Variants in HLF observed in about 807,000 individuals in gnomAD.
HLF encodes hepatic leukemia factor.
In HLF, 3 loss-of-function variants were observed where a neutral mutation model predicts 22.6. That is an observed-to-expected ratio of 0.13 (90% CI 0.06 to 0.34). The LOEUF is 0.34. Among genes scored for constraint, HLF ranks in the 10% least tolerant of loss-of-function variants. The pLI is 1.00. For missense variants in HLF, 299 were observed against 389.2 expected (o/e 0.77, Z 1.95); for synonymous variants, 151 against 151.8 (o/e 0.99, Z 0.04).
chr17:55,301,045 C>G (rs113694147), intron 2 of HLF, among the ~76,000 whole-genome samples: 35 of 152,336 alleles, frequency 2.3e-4, no homozygotes, highest in Middle Eastern at 3.4e-3. Context: ...CTTGGTTACC[C>G]TTTATCCCAT....
At chr17:55,313,351 GGTGTGTGCGT>G (rs940851931) in intron 2 of HLF, among the ~76,000 whole-genome samples, 3 of 132,690 alleles carry the variant, frequency 2.3e-5, no homozygotes, top group African/African-American at 8.2e-5. Flanking sequence ...TAGAGGAGGA[GGTGTGTGCGT>G]GTGTGTGTGT....
chr17:55,318,869 C>T (rs1418249558), intron 3 of HLF: 1 of 152,442 alleles, frequency 6.6e-6, no homozygotes, highest in Non-Finnish European at 1.5e-5. Context: ...TTTGGGCCCC[C>T]TCACCACCAT....
chr17:55,274,980 C>T (rs1166774373), intron 2 of HLF, among the ~76,000 whole-genome samples: 1 of 152,210 alleles, frequency 6.6e-6, no homozygotes, highest in Non-Finnish European at 1.5e-5. Flanking sequence ...CCAAGTCTTG[C>T]TTGCCCTTCT....
intron 2 of HLF, among the ~76,000 whole-genome samples, chr17:55,297,027 A>G (rs571074757): frequency 6.6e-6 from 1 of 152,314 alleles, no homozygotes; most frequent in South Asian, 2.1e-4. Context: ...CGCAGCTCCC[A>G]CTGATGATGC....
intron 2 of HLF, among the ~76,000 whole-genome samples, chr17:55,296,407 G>A (rs1014097034): frequency 1.3e-5 from 2 of 152,112 alleles, no homozygotes; most frequent in Admixed American, 1.3e-4. Context: ...CACAGTTTCT[G>A]CGTACTCTTC....
Position 55,324,885 on chromosome 17 carries a change from TAAC to T in HLF, c.*4009_*4011del, listed in dbSNP as rs1905407748. 1 of 232,528 alleles carries T rather than the reference TAAC, an allele frequency of 4.3e-6. No homozygotes were observed. The highest frequency in any genetic ancestry group is 1.3e-3 in the Middle Eastern group (1 of 784). The allele number at this position is 232,528 out of a possible 1,614,324, so 14.4% of individuals were successfully genotyped here. A position where few individuals can be genotyped will look rare whatever the true frequency, so the allele number is the denominator to read the frequency against. On this transcript the variant is annotated 3_prime_UTR_variant, in exon 4 of 4. Transcript: ENST00000226067. ...TTAATTTTGAGCACCTTACCAAACA[TAAC>T]AATAATCCATTATCCTTTTGGCAAC...
chr17:55,309,465 G>A (rs963955), intron 2 of HLF, among the ~76,000 whole-genome samples: 90,713 of 151,892 alleles, frequency 0.6, 27,410 homozygotes, highest in East Asian at 0.81. Flanking sequence ...TATCATCATC[G>A]AGGGATGCCA....
intron 2 of HLF, among the ~76,000 whole-genome samples, chr17:55,270,992 G>A (rs1406491533): frequency 6.6e-6 from 1 of 152,134 alleles, no homozygotes; most frequent in Non-Finnish European, 1.5e-5. Context: ...CAGCATCGCG[G>A]CCCCTACCTC....
At position 55,320,555 on chromosome 17, in the gene HLF, G is replaced by A. The variant is rs944176930; in HGVS notation, c.673-109G>A. The stretch of plus-strand genomic sequence containing the variant: ...GAAGGAGACACAAGCTAAGAAACCC[G>A]GGCTGGCACCTCTGCACAATCCTGG... On this transcript the variant is annotated intron_variant, in intron 3 of 3. Transcript: ENST00000226067. This position sits in a 1 kb window ranked among gnomAD's most constrained non-coding sequence, Gnocchi z 4.2. 1.6e-4 allele frequency: 134 copies of A among 856,894 alleles called. No individual in the cohort carries two copies. The highest frequency in any genetic ancestry group is 2.1e-4 in the Non-Finnish European group (119 of 553,522). 53.1% of individuals were successfully genotyped at this position (856,894 alleles called of 1,614,324 possible).
chr17:55,277,234 TATGTGTATGTGTGTG>T (rs1389585736), intron 2 of HLF, among the ~76,000 whole-genome samples: 1 of 14,506 alleles, frequency 6.9e-5, no homozygotes, highest in East Asian at 2.3e-3. Context: ...AACCAGATGT[TATGTGTATGTGTGTG>T]TGTGTGTGTG....
intron 2 of HLF, among the ~76,000 whole-genome samples, chr17:55,311,106 A>G (rs1005540417): frequency 1.3e-5 from 2 of 152,234 alleles, no homozygotes; most frequent in Admixed American, 6.5e-5. Context: ...AACTTTAAAT[A>G]TAACTTAACT....
chr17:55,324,874 C>G lies in HLF; in HGVS notation c.*3995C>G, dbSNP rs1159085817. ...ACATAAAGTCTTTAATTTTGAGCAC[C>G]TTACCAAACATAACAATAATCCATT... On this transcript the variant is annotated 3_prime_UTR_variant, in exon 4 of 4. Transcript: ENST00000226067. 4.3e-6 allele frequency: 1 copy of G among 232,232 alleles called. No homozygotes were observed. The highest frequency in any genetic ancestry group is 2.2e-5 in the African/African-American group (1 of 45,090). 14.4% of individuals were successfully genotyped at this position (232,232 alleles called of 1,614,324 possible).
At chr17:55,280,803 G>A (rs961474676) in intron 2 of HLF, among the ~76,000 whole-genome samples, 4 of 152,192 alleles carry the variant, frequency 2.6e-5, no homozygotes, top group Non-Finnish European at 4.4e-5. Flanking sequence ...AGAGGGAAAC[G>A]TGGCAGAGAG....
chr17:55,316,511 C>T (rs1905070149), intron 3 of HLF, among the ~76,000 whole-genome samples: 1 of 152,240 alleles, frequency 6.6e-6, no homozygotes, highest in Non-Finnish European at 1.5e-5. Flanking sequence ...TGCTGTCATC[C>T]ACATTCCTGA....
At position 55,322,292 on chromosome 17, in the gene HLF, T is replaced by G. The variant is rs1598412798; in HGVS notation, c.*1413T>G. The G allele has an allele frequency of 5.1e-6, 1 of 194,840 alleles. No homozygotes were observed. The highest frequency in any genetic ancestry group is 8.2e-5 in the East Asian group (1 of 12,242). 12.1% of individuals were successfully genotyped at this position (194,840 alleles called of 1,614,324 possible). A position where few individuals can be genotyped will look rare whatever the true frequency, so the allele number is the denominator to read the frequency against. On this transcript the variant is annotated 3_prime_UTR_variant, in exon 4 of 4. Coordinates refer to ENST00000226067, the MANE Select transcript of HLF (RefSeq NM_002126.5). ...CAAAAGGAGAGATTATTAAATCGTTTAATGTTTATACAGAGTAATTATAGG... is the reference window on the plus strand; with the variant it reads ...CAAAAGGAGAGATTATTAAATCGTTGAATGTTTATACAGAGTAATTATAGG...
intron 2 of HLF, among the ~76,000 whole-genome samples, chr17:55,289,830 A>C (rs1039175898): frequency 2.7e-4 from 41 of 152,134 alleles, no homozygotes; most frequent in Non-Finnish European, 5.9e-5. Flanking sequence ...AGATAATTCC[A>C]AGTCTGTTTT....
At chr17:55,281,779 C>CT (rs763362497) in intron 2 of HLF, among the ~76,000 whole-genome samples, 4 of 152,130 alleles carry the variant, frequency 2.6e-5, no homozygotes, top group Admixed American at 6.5e-5. Context: ...AGTATGTTTT[C>CT]TTTTTTTCTC....
At chr17:55,274,249 A>T (rs4147524) in intron 2 of HLF, among the ~76,000 whole-genome samples, 8 of 152,018 alleles carry the variant, frequency 5.3e-5, no homozygotes, top group Non-Finnish European at 8.8e-5. Context: ...CCCAGGAATC[A>T]TTTTTTATGT....
chr17:55,312,135 C>T (rs1353913544), intron 2 of HLF, among the ~76,000 whole-genome samples: 1 of 152,186 alleles, frequency 6.6e-6, no homozygotes, highest in Non-Finnish European at 1.5e-5. Context: ...CATGCGAGTG[C>T]AGGTGTCTTT....
Sources: gnomAD v4.1 joint callset for allele counts (sites outside exome capture counted in the v4.1 genomes callset) on GRCh38, gnomAD v4.1.1 for gene constraint, Gnocchi (gnomAD v3.1) non-coding constraint, MANE v1.5 for transcripts, NCBI Gene and HGNC (gene_info 2026-07-23, HGNC 2026-07-21) for gene names.